GRID2: variants seen among roughly 807,000 people sequenced by gnomAD.
The protein encoded by GRID2 is glutamate ionotropic receptor delta type subunit 2.
GRID2 carries 33 observed loss-of-function variants against 114.8 expected under a neutral mutation model. That is an observed-to-expected ratio of 0.29 (90% confidence interval 0.22 to 0.38). The LOEUF (loss-of-function observed/expected upper bound fraction) is 0.38. GRID2 is among the 10% of genes least tolerant of loss of function. The probability of loss-of-function intolerance (pLI) is 1.00; values close to 1 mark genes in which losing one functional copy is unlikely to be tolerated. For missense variants in GRID2, 1,184 were observed against 1,257.7 expected (o/e 0.94, Z 0.89); for synonymous variants, 505 against 449.9 (o/e 1.12, Z -1.55).
At chr4:93,682,983 GA>G (rs966494642) in intron 14 of GRID2, among the ~76,000 whole-genome samples, 1 of 148,532 alleles carries the variant, frequency 6.7e-6, no homozygotes, top group Non-Finnish European at 1.5e-5. Context: ...TGTTTCAGAA[GA>G]AAAAAAAACC....
intron 3 of GRID2, among the ~76,000 whole-genome samples, chr4:93,094,291 A>G (rs986259203): frequency 6.6e-6 from 1 of 152,118 alleles, no homozygotes; most frequent in Non-Finnish European, 1.5e-5. Context: ...GTATGTTTAA[A>G]ATACTACTTT....
chr4:93,379,741 G>T (rs1381409391), intron 8 of GRID2, among the ~76,000 whole-genome samples: 1 of 152,092 alleles, frequency 6.6e-6, no homozygotes, highest in African/African-American at 2.4e-5. Context: ...CAGGTAAAGT[G>T]ACTGAAGCCC....
At chr4:92,978,984 G>A in intron 2 of GRID2, among the ~76,000 whole-genome samples, 1 of 152,136 alleles carries the variant, frequency 6.6e-6, no homozygotes, top group East Asian at 1.9e-4. Context: ...TTGCACCCCT[G>A]CACTCCAGCC....
chr4:93,623,035 A>AG, intron 13 of GRID2, among the ~76,000 whole-genome samples: 1 of 152,292 alleles, frequency 6.6e-6, no homozygotes, highest in East Asian at 1.9e-4. Context: ...TTTTTGCAAT[A>AG]ATCACCTGTC....
chr4:92,982,007 A>G (rs1214940092), intron 2 of GRID2, among the ~76,000 whole-genome samples: 1 of 145,552 alleles, frequency 6.9e-6, no homozygotes, highest in Non-Finnish European at 1.5e-5. Flanking sequence ...GTATCTTCAC[A>G]GTCTAAAGTA....
At chr4:93,742,522 T>C (rs1445843900) in intron 14 of GRID2, among the ~76,000 whole-genome samples, 1 of 152,240 alleles carries the variant, frequency 6.6e-6, no homozygotes, top group African/African-American at 2.4e-5. Context: ...ATGTCAACCC[T>C]GCAAGTCTAT....
chr4:92,723,057 T>C (rs1224232926), intron 2 of GRID2, among the ~76,000 whole-genome samples: 1 of 152,156 alleles, frequency 6.6e-6, no homozygotes, highest in Non-Finnish European at 1.5e-5. Flanking sequence ...TGTGTACTTT[T>C]TTTTTTGAGG....
chr4:92,783,474 A>C (rs140632251), intron 2 of GRID2, among the ~76,000 whole-genome samples: 5 of 152,230 alleles, frequency 3.3e-5, no homozygotes, highest in African/African-American at 1.2e-4. Context: ...AAAGTGTCTG[A>C]ATTTTTTATG....
intron 2 of GRID2, among the ~76,000 whole-genome samples, chr4:92,827,418 AAGG>A (rs1009406425): frequency 3.3e-5 from 5 of 151,510 alleles, no homozygotes; most frequent in African/African-American, 1.2e-4. Context: ...AAAAAAAAAA[AAGG>A]AGGGAGTCAA....
At chr4:93,072,080 AT>A (rs1167068765) in intron 2 of GRID2, among the ~76,000 whole-genome samples, 2 of 152,178 alleles carry the variant, frequency 1.3e-5, no homozygotes, top group Non-Finnish European at 2.9e-5. Context: ...TAAGTATGTT[AT>A]AGGAATAATC....
chr4:92,715,548 AAAAG>A (rs764582707), intron 2 of GRID2, among the ~76,000 whole-genome samples: 17 of 152,208 alleles, frequency 1.1e-4, no homozygotes, highest in Non-Finnish European at 1.9e-4. Context: ...TTTACAAAAA[AAAAG>A]AGGTTTAATG....
At chr4:92,793,088 T>C (rs940140351) in intron 2 of GRID2, among the ~76,000 whole-genome samples, 5 of 151,812 alleles carry the variant, frequency 3.3e-5, no homozygotes, top group African/African-American at 1.2e-4. Context: ...TGTTTCTGTG[T>C]TCATTTATGC....
At chr4:92,700,336 T>C (rs1734606546) in intron 2 of GRID2, among the ~76,000 whole-genome samples, 1 of 152,214 alleles carries the variant, frequency 6.6e-6, no homozygotes, top group South Asian at 2.1e-4. Flanking sequence ...ATTGGTATCA[T>C]TGATTGCTCA....
intron 6 of GRID2, among the ~76,000 whole-genome samples, chr4:93,219,801 G>A (rs946332673): frequency 1.3e-5 from 2 of 152,116 alleles, no homozygotes; most frequent in Non-Finnish European, 2.9e-5. Flanking sequence ...AGAGAAAACA[G>A]AAACATTCTA....
intron 1 of GRID2, among the ~76,000 whole-genome samples, chr4:92,462,845 T>A (rs1721563351): frequency 6.6e-6 from 1 of 152,006 alleles, no homozygotes; most frequent in Non-Finnish European, 1.5e-5. Flanking sequence ...TATTGTGATG[T>A]CAGAGAAAGC....
At chr4:92,457,896 T>C (rs1232697299) in intron 1 of GRID2, among the ~76,000 whole-genome samples, 1 of 152,210 alleles carries the variant, frequency 6.6e-6, no homozygotes, top group East Asian at 1.9e-4. Flanking sequence ...CTACAAATTT[T>C]CAGTGCTTTG....
intron 4 of GRID2, among the ~76,000 whole-genome samples, chr4:93,147,318 T>A (rs1367077166): frequency 6.6e-6 from 1 of 152,182 alleles, no homozygotes; most frequent in Non-Finnish European, 1.5e-5. Context: ...TCTTAATGCC[T>A]ACCATTCTAG....
intron 9 of GRID2, among the ~76,000 whole-genome samples, chr4:93,401,607 G>T (rs757558486): frequency 2.0e-5 from 3 of 152,074 alleles, no homozygotes; most frequent in Non-Finnish European, 4.4e-5. Flanking sequence ...CAAAAGAAAA[G>T]GCAGTAGGAA....
rs112065653 is a variant in GRID2 at position 93,332,118 on chromosome 4, C to T, written c.1246-63489C>T. Among the ~76,000 whole-genome samples, 494 of 152,112 alleles carry T rather than the reference C, an allele frequency of 3.2e-3. 2 individuals carry two copies. The highest frequency in any genetic ancestry group is 5.5e-3 in the Non-Finnish European group (372 of 67,980). On this transcript the variant is annotated intron_variant, in intron 8 of 15. Coordinates refer to ENST00000282020, the MANE Select transcript of GRID2 (RefSeq NM_001510.4). ...AGAATGTATTGCCAACCCACTTCAA[C>T]GATAGTAACTATAAGAAGTACAACT...
Sources: allele counts gnomAD v4.1 joint callset (sites outside exome capture counted in the v4.1 genomes callset), GRCh38; gene constraint gnomAD v4.1.1; transcripts MANE v1.5; gene names NCBI Gene and HGNC (gene_info 2026-07-23, HGNC 2026-07-21).